The following LIMS1 variants were observed in gnomAD, a reference collection of about 807,000 sequenced individuals.
LIMS1 encodes LIM zinc finger domain containing 1.
In LIMS1, 18 loss-of-function variants were observed where a neutral mutation model predicts 44.1. That is an observed-to-expected ratio of 0.41 (90% CI 0.28 to 0.61). The LOEUF is 0.61. LIMS1 is among the 20% of genes least tolerant of loss of function. The probability of loss-of-function intolerance (pLI) is 0.32; values close to 1 mark genes in which losing one functional copy is unlikely to be tolerated. For synonymous variants in LIMS1, 93 were observed against 149.1 expected, an observed-to-expected ratio of 0.62 and a Z score of 2.74; for missense variants, 201 against 422.0, an observed-to-expected ratio of 0.48 and a Z score of 4.59.
intron 8 of LIMS1, among the ~76,000 whole-genome samples, 172 bp downstream of exon 8, chr2:108,678,199 A>G (rs570357187): frequency 9.8e-5 from 15 of 152,354 alleles, no homozygotes; most frequent in South Asian, 4.1e-4. Flanking sequence ...TGATAATATC[A>G]AAGAGTTGGA....
At chr2:108,542,503 C>T (rs181317571) in intron 1 of LIMS1, among the ~76,000 whole-genome samples, 11 of 152,282 alleles carry the variant, frequency 7.2e-5, no homozygotes, top group African/African-American at 2.6e-4. Flanking sequence ...TACCGAAGTG[C>T]CCTGTAGAGC....
intron 1 of LIMS1, among the ~76,000 whole-genome samples, chr2:108,654,205 C>A (rs1263185283): frequency 6.6e-6 from 1 of 151,914 alleles, no homozygotes; most frequent in Non-Finnish European, 1.5e-5. Flanking sequence ...AGTTTCCTTT[C>A]GCATTGCTAA....
intron 1 of LIMS1, among the ~76,000 whole-genome samples, chr2:108,594,664 T>G (rs1686574417): frequency 6.6e-6 from 1 of 152,154 alleles, no homozygotes; most frequent in South Asian, 2.1e-4. Flanking sequence ...AGTAGCCATT[T>G]AAAACAGGAA....
intron 1 of LIMS1, among the ~76,000 whole-genome samples, chr2:108,646,774 C>T (rs1277863370): frequency 3.9e-5 from 6 of 152,084 alleles, no homozygotes; most frequent in African/African-American, 1.4e-4. Context: ...GGTGCGATCT[C>T]GGCTCACTGC....
intron 1 of LIMS1, among the ~76,000 whole-genome samples, chr2:108,541,793 G>A (rs1280845936): frequency 2.0e-5 from 3 of 152,108 alleles, no homozygotes; most frequent in African/African-American, 7.2e-5. Context: ...CAAAATTGCC[G>A]CTTCTCTCAT....
chr2:108,625,710 G>A (rs151259806), intron 1 of LIMS1, among the ~76,000 whole-genome samples: 2,428 of 152,184 alleles, frequency 0.016, 227 homozygotes, highest in Admixed American at 0.14. Flanking sequence ...TTCCTGCAGC[G>A]TTGACCTTGA....
At chr2:108,547,851 T>C (rs1684537937) in intron 1 of LIMS1, among the ~76,000 whole-genome samples, 1 of 152,260 alleles carries the variant, frequency 6.6e-6, no homozygotes, top group South Asian at 2.1e-4. Context: ...ATACGGACTT[T>C]GTCATATTGA....
intron 2 of LIMS1, among the ~76,000 whole-genome samples, chr2:108,667,608 A>G (rs1303774058): frequency 1.3e-5 from 2 of 149,872 alleles, no homozygotes; most frequent in Non-Finnish European, 3.0e-5. Flanking sequence ...TGCAATATAC[A>G]TCTTTCTCTT....
rs369396576 is a variant in LIMS1, at chr2:108,673,197, A to C, written c.530+168A>C. 197 of 1,081,900 alleles carry C rather than the reference A, an allele frequency of 1.8e-4. 1 individual carries two copies. Among genetic ancestry groups the C allele is most frequent in the East Asian group, 9.3e-4 (36 of 38,892 alleles). The allele number at this position is 1,081,900 out of a possible 1,614,324, so 67.0% of individuals were successfully genotyped here. A position where few individuals can be genotyped will look rare whatever the true frequency, so the allele number is the denominator to read the frequency against. ...GAATGATATAATGAAACCTGTATAC[A>C]CTTAATTTCGTTTCACCAGTTGACA... On this transcript the variant is annotated intron_variant, in intron 5 of 9. Transcript: ENST00000544547.
chr2:108,664,345 A>G (rs1691599501), intron 2 of LIMS1, among the ~76,000 whole-genome samples: 1 of 152,208 alleles, frequency 6.6e-6, no homozygotes, highest in Admixed American at 6.6e-5. Flanking sequence ...TCTTCCCCTA[A>G]AGGGAATATT....
intron 1 of LIMS1, among the ~76,000 whole-genome samples, chr2:108,625,337 A>T (rs972293741): frequency 3.3e-5 from 5 of 152,190 alleles, no homozygotes; most frequent in African/African-American, 1.2e-4. Flanking sequence ...TACGCTGGCA[A>T]AGTTGAGTTG....
intron 1 of LIMS1, among the ~76,000 whole-genome samples, chr2:108,545,821 A>G (rs1032612773): frequency 6.6e-6 from 1 of 152,210 alleles, no homozygotes; most frequent in East Asian, 1.9e-4. Flanking sequence ...CTGTACAAAA[A>G]CAGGGACAGG....
chr2:108,635,937 A>G (rs1251149956), intron 1 of LIMS1, among the ~76,000 whole-genome samples: 2 of 152,212 alleles, frequency 1.3e-5, no homozygotes, highest in Non-Finnish European at 2.9e-5. Flanking sequence ...CAGAGTCCTC[A>G]CATAGGCTGC....
At chr2:108,625,596 G>T (rs75920921) in intron 1 of LIMS1, among the ~76,000 whole-genome samples, 1,853 of 150,246 alleles carry the variant, frequency 0.012, 43 homozygotes, top group African/African-American at 0.044. Context: ...CCAAAAAAAT[G>T]CAGTTTGAAA....
intron 1 of LIMS1, among the ~76,000 whole-genome samples, chr2:108,579,988 G>T (rs559011635): frequency 4.6e-5 from 7 of 152,220 alleles, no homozygotes; most frequent in Non-Finnish European, 8.8e-5. Context: ...GCTGGAGCTG[G>T]GGGATGCCGG....
chr2:108,640,082 A>G (rs760204986), intron 1 of LIMS1, among the ~76,000 whole-genome samples: 9 of 152,000 alleles, frequency 5.9e-5, no homozygotes, highest in Non-Finnish European at 1.0e-4. Flanking sequence ...TCTTTCCATG[A>G]TGGGTTTCCT....
chr2:108,623,413 T>A (rs826688), intron 1 of LIMS1, among the ~76,000 whole-genome samples: 58,094 of 151,614 alleles, frequency 0.38, 11,730 homozygotes, highest in Middle Eastern at 0.52. Flanking sequence ...ATTCTTTTTT[T>A]AAAAAAATAA....
intron 1 of LIMS1, among the ~76,000 whole-genome samples, chr2:108,592,557 A>G (rs544694167): frequency 6.6e-6 from 1 of 152,296 alleles, no homozygotes; most frequent in East Asian, 1.9e-4. Context: ...CAGCCTGGGA[A>G]GACATTTAGA....
At chr2:108,601,221 G>A (rs1686997686) in intron 1 of LIMS1, among the ~76,000 whole-genome samples, 1 of 152,070 alleles carries the variant, frequency 6.6e-6, no homozygotes, top group African/African-American at 2.4e-5. Context: ...TAAACAAATT[G>A]CAATGAAAAG....
Sources: gnomAD v4.1 joint callset for allele counts (sites outside exome capture counted in the v4.1 genomes callset) on GRCh38, gnomAD v4.1.1 for gene constraint, MANE v1.5 for transcripts, NCBI Gene and HGNC (gene_info 2026-07-23, HGNC 2026-07-21) for gene names.